The following GNA14 variants were observed in gnomAD, a reference collection of about 807,000 sequenced individuals.
The protein encoded by GNA14 is G protein subunit alpha 14.
Under a neutral mutation model 42.0 loss-of-function variants are expected in GNA14, and 50 were observed. The ratio of observed to expected loss-of-function variants is 1.19; its 90% CI spans 0.95 to 1.51. The LOEUF (loss-of-function observed/expected upper bound fraction) is 1.51. Ranked by LOEUF, GNA14 falls within the 40% of genes most tolerant of loss-of-function variation. The pLI is 0.00. For synonymous variants in GNA14, 173 were observed against 163.1 expected, an observed-to-expected ratio of 1.06 and a Z score of -0.46; for missense variants, 473 against 446.2, an observed-to-expected ratio of 1.06 and a Z score of -0.54.
At chr9:77,553,081 T>C (rs748562979) in intron 1 of GNA14, among the ~76,000 whole-genome samples, 16 of 152,290 alleles carry the variant, frequency 1.1e-4, no homozygotes, top group Non-Finnish European at 2.1e-4. Flanking sequence ...AGTCCCAAAC[T>C]AGCCTTATGG....
chr9:77,463,084 T>C (rs975090056), intron 2 of GNA14, among the ~76,000 whole-genome samples: 2 of 152,170 alleles, frequency 1.3e-5, no homozygotes, highest in African/African-American at 4.8e-5. Flanking sequence ...TAAGCTCTGA[T>C]CTTGATCCTC....
At chr9:77,487,978 C>T (rs920890849) in intron 2 of GNA14, among the ~76,000 whole-genome samples, 3 of 152,012 alleles carry the variant, frequency 2.0e-5, no homozygotes, top group Non-Finnish European at 4.4e-5. Flanking sequence ...GTTGACATCA[C>T]ATTTGATACC....
intron 1 of GNA14, among the ~76,000 whole-genome samples, chr9:77,629,587 G>T (rs1395856411): frequency 1.3e-5 from 2 of 152,162 alleles, no homozygotes; most frequent in Non-Finnish European, 2.9e-5. Context: ...CAGGGACATG[G>T]ATGAAGCTGG....
chr9:77,462,754 A>C, intron 2 of GNA14, among the ~76,000 whole-genome samples: 1 of 147,098 alleles, frequency 6.8e-6, no homozygotes, highest in African/African-American at 2.5e-5. Context: ...AAAAGGAATG[A>C]CTCAGCTTAT....
At chr9:77,492,709 A>G (rs1457356583) in intron 2 of GNA14, among the ~76,000 whole-genome samples, 2 of 152,038 alleles carry the variant, frequency 1.3e-5, no homozygotes, top group East Asian at 1.9e-4. Flanking sequence ...TCTATTACCA[A>G]AAATACTTGG....
At chr9:77,509,038 CCT>C (rs1837118211) in intron 2 of GNA14, among the ~76,000 whole-genome samples, 1 of 151,860 alleles carries the variant, frequency 6.6e-6, no homozygotes, top group South Asian at 2.1e-4. Flanking sequence ...CACCACCATC[CCT>C]CTCCAGAACT....
chr9:77,512,283 A>G (rs1339146074), intron 2 of GNA14, among the ~76,000 whole-genome samples: 2 of 152,226 alleles, frequency 1.3e-5, no homozygotes, highest in African/African-American at 4.8e-5. Context: ...TGTTAAAGGG[A>G]CTAGAGGAGT....
chr9:77,513,458 A>G (rs933394135), intron 2 of GNA14, among the ~76,000 whole-genome samples: 2 of 152,380 alleles, frequency 1.3e-5, no homozygotes, highest in South Asian at 2.1e-4. Flanking sequence ...TATATTTCCA[A>G]TAAAGACTGG....
chr9:77,544,666 C>T (rs1042964897), intron 1 of GNA14, among the ~76,000 whole-genome samples: 28 of 122,174 alleles, frequency 2.3e-4, no homozygotes, highest in African/African-American at 9.3e-4. Context: ...CACGTCACTG[C>T]ATCTCAAAAA....
In GNA14 at chr9:77,581,781, T is replaced by G. The variant is rs139545537; in HGVS notation, c.125-52528A>C. On this transcript the variant is annotated intron_variant, in intron 1 of 6. Transcript: ENST00000341700. ...GAAACAATCATCCAGTCCACATTCC[T>G]GTGGATGCTTCTCATCATCTCTCAT... Among the ~76,000 whole-genome samples the G allele has an allele frequency of 4.3e-4, 65 of 152,354 alleles. No individual in the cohort carries two copies. In the East Asian group the frequency reaches 0.012, roughly 27 times the overall value.
chr9:77,500,540 G>A (rs1412507962), intron 2 of GNA14, among the ~76,000 whole-genome samples: 4 of 152,092 alleles, frequency 2.6e-5, no homozygotes, highest in African/African-American at 4.8e-5. Context: ...TCAAGATATA[G>A]AACATTTCTG....
At chr9:77,597,541 T>G (rs1454463925) in intron 1 of GNA14, among the ~76,000 whole-genome samples, 4 of 151,970 alleles carry the variant, frequency 2.6e-5, no homozygotes, top group African/African-American at 9.7e-5. Flanking sequence ...CCCATTTTCT[T>G]CAATAAGCTT....
intron 1 of GNA14, among the ~76,000 whole-genome samples, chr9:77,542,468 T>C (rs1449456908): frequency 6.6e-6 from 1 of 152,182 alleles, no homozygotes; most frequent in East Asian, 1.9e-4. Context: ...CAGTATATGT[T>C]GGCTCTGGTG....
intron 1 of GNA14, among the ~76,000 whole-genome samples, chr9:77,621,195 A>G (rs944228378): frequency 7.9e-5 from 12 of 152,094 alleles, no homozygotes; most frequent in African/African-American, 2.9e-4. Context: ...CAGCCTCCCA[A>G]CGTGCTGTGA....
chr9:77,598,298 T>G (rs1040023012), intron 1 of GNA14, among the ~76,000 whole-genome samples: 1 of 152,194 alleles, frequency 6.6e-6, no homozygotes, highest in Non-Finnish European at 1.5e-5. Context: ...TGGGGTACAC[T>G]AGACAAATAT....
intron 2 of GNA14, among the ~76,000 whole-genome samples, chr9:77,471,063 C>A (rs1209621673): frequency 6.6e-6 from 1 of 152,038 alleles, no homozygotes; most frequent in African/African-American, 2.4e-5. Context: ...GTTAAGAGAG[C>A]AATAGGATGA....
intron 1 of GNA14, among the ~76,000 whole-genome samples, chr9:77,543,280 T>C (rs1227451524): frequency 6.6e-6 from 1 of 152,182 alleles, no homozygotes; most frequent in Non-Finnish European, 1.5e-5. Context: ...GGGAACGGCA[T>C]AGGCAGGCAG....
At chr9:77,627,728 T>C (rs867150398) in intron 1 of GNA14, among the ~76,000 whole-genome samples, 6 of 152,170 alleles carry the variant, frequency 3.9e-5, no homozygotes, top group African/African-American at 1.4e-4. Flanking sequence ...AACTAGGTAT[T>C]GATGGAACGT....
At chr9:77,498,581 T>C (rs1265411440) in intron 2 of GNA14, among the ~76,000 whole-genome samples, 2 of 152,160 alleles carry the variant, frequency 1.3e-5, no homozygotes, top group Non-Finnish European at 2.9e-5. Flanking sequence ...TTAATGTGCA[T>C]TCTAGTGCTC....
Sources: gnomAD v4.1 joint callset for allele counts (sites outside exome capture counted in the v4.1 genomes callset) on GRCh38, gnomAD v4.1.1 for gene constraint, MANE v1.5 for transcripts, NCBI Gene and HGNC (gene_info 2026-07-23, HGNC 2026-07-21) for gene names.